Variants in XYLT1 observed in about 807,000 individuals in gnomAD.
XYLT1 encodes beta-D-xylosyltransferase 1.
XYLT1 carries 36 observed loss-of-function variants against 91.3 expected under a neutral mutation model. That is an observed-to-expected ratio of 0.39 (90% confidence interval 0.30 to 0.52). The LOEUF (loss-of-function observed/expected upper bound fraction) is 0.52. Among genes scored for constraint, XYLT1 ranks in the 20% least tolerant of loss-of-function variants. The pLI, the probability that XYLT1 is intolerant of heterozygous loss-of-function variation, is 0.68. For missense variants in XYLT1, 1,242 were observed against 1,284.5 expected, an observed-to-expected ratio of 0.97 and a Z score of 0.51; for synonymous variants, 588 against 532.0, an observed-to-expected ratio of 1.11 and a Z score of -1.45.
intron 3 of XYLT1, among the ~76,000 whole-genome samples, chr16:17,256,550 C>T (rs1322271544): frequency 6.6e-6 from 1 of 150,998 alleles, no homozygotes; most frequent in African/African-American, 2.5e-5. Context: ...ACTCGGGAGG[C>T]TGAGGCAGGG....
rs1163120260 is a variant in XYLT1, at chr16:17,271,387, CACAGAGAGAAAGAT to C, written c.403-11903_403-11890del. 2.7e-3 allele frequency among the ~76,000 whole-genome samples: 405 copies of C among 151,400 alleles called. 1 individual carries two copies. Among genetic ancestry groups the C allele is most frequent in the African/African-American group, 8.1e-3 (333 of 41,210 alleles). On this transcript the variant is annotated intron_variant, in intron 2 of 11. Transcript: ENST00000261381. Reference sequence around the variant, plus strand: ...AGACACAGAGAGACAAAGAGAGAGACACAGAGAGAAAGATACAGAGAGAAAGATACAGAGAGAGA... The same window carrying C: ...AGACACAGAGAGACAAAGAGAGAGACACAGAGAGAAAGATACAGAGAGAGA...
intron 9 of XYLT1, among the ~76,000 whole-genome samples, chr16:17,132,672 G>A (rs1331935259): frequency 6.6e-6 from 1 of 152,212 alleles, no homozygotes; most frequent in Non-Finnish European, 1.5e-5. Context: ...GGAGGCTGAA[G>A]CGGGAGGATT....
At chr16:17,457,870 A>G (rs1380220854) in intron 1 of XYLT1, among the ~76,000 whole-genome samples, 1 of 152,244 alleles carries the variant, frequency 6.6e-6, no homozygotes, top group Non-Finnish European at 1.5e-5. Context: ...CTGGGGAAAA[A>G]AATAAGATTT....
intron 1 of XYLT1, among the ~76,000 whole-genome samples, chr16:17,395,631 C>T (rs981910625): frequency 2.0e-5 from 3 of 152,220 alleles, no homozygotes; most frequent in Non-Finnish European, 4.4e-5. Flanking sequence ...TTGAGCTCTG[C>T]TCACAGAAGT....
chr16:17,162,569 T>C (rs900493464), intron 5 of XYLT1, among the ~76,000 whole-genome samples: 16 of 152,214 alleles, frequency 1.1e-4, no homozygotes, highest in East Asian at 7.7e-4. Context: ...CTACAAATGA[T>C]AGTGAATGAA....
intron 2 of XYLT1, among the ~76,000 whole-genome samples, chr16:17,291,194 G>T (rs1264126022): frequency 6.6e-6 from 1 of 152,198 alleles, no homozygotes; most frequent in Non-Finnish European, 1.5e-5. Context: ...GTAGAGAAGA[G>T]GTTTTGCCAT....
chr16:17,174,170 T>C (rs1313633412), intron 5 of XYLT1, among the ~76,000 whole-genome samples: 1 of 152,214 alleles, frequency 6.6e-6, no homozygotes, highest in African/African-American at 2.4e-5. Flanking sequence ...AAGAAAGATA[T>C]ACATCTACAG....
At chr16:17,392,020 T>C (rs1371291921) in intron 1 of XYLT1, among the ~76,000 whole-genome samples, 1 of 152,218 alleles carries the variant, frequency 6.6e-6, no homozygotes, top group African/African-American at 2.4e-5. Flanking sequence ...CCAGTCTCAA[T>C]GTCTTTATTT....
chr16:17,420,746 T>C (rs1447429860), intron 1 of XYLT1, among the ~76,000 whole-genome samples: 3 of 152,216 alleles, frequency 2.0e-5, no homozygotes, highest in African/African-American at 7.2e-5. Flanking sequence ...ATGTCATTTA[T>C]TACACCATAT....
At chr16:17,340,245 T>G (rs2035047081) in intron 2 of XYLT1, among the ~76,000 whole-genome samples, 1 of 152,192 alleles carries the variant, frequency 6.6e-6, no homozygotes, top group African/African-American at 2.4e-5. Flanking sequence ...GTTCTGCAGC[T>G]CAACTGGAGA....
chr16:17,282,521 T>C (rs2034073274), intron 2 of XYLT1, among the ~76,000 whole-genome samples: 1 of 152,228 alleles, frequency 6.6e-6, no homozygotes. Flanking sequence ...AGGGTGAGGC[T>C]GCAGGCTAAA....
intron 7 of XYLT1, 171 bp from the exon 8 acceptor site, chr16:17,138,702 A>G: frequency 1.6e-6 from 1 of 634,996 alleles, no homozygotes. Flanking sequence ...CAGAACTGCA[A>G]GCCAAATAAA....
chr16:17,105,443 G>C lies in XYLT1; in HGVS notation c.*3252C>G, dbSNP rs1966761001. The C allele has an allele frequency of 6.6e-6, 1 of 152,168 alleles. No homozygotes were observed. The highest frequency in any genetic ancestry group is 2.4e-5 in the African/African-American group (1 of 41,424). 9.4% of individuals were successfully genotyped at this position (152,168 alleles called of 1,614,324 possible). On this transcript the variant is annotated 3_prime_UTR_variant, in exon 12 of 12. Coordinates refer to ENST00000261381, the MANE Select transcript of XYLT1 (RefSeq NM_022166.4). ...AAAGCCTTTTTTTTCCCCTGCAAAG[G>C]GAGAAAGCAGCGCGCTTCTCACAAC...
At chr16:17,124,858 T>G (rs2030203454) in intron 10 of XYLT1, among the ~76,000 whole-genome samples, 1 of 152,214 alleles carries the variant, frequency 6.6e-6, no homozygotes, top group Non-Finnish European at 1.5e-5. Flanking sequence ...GTTCTGAAGT[T>G]CTTTCTTTTA....
intron 3 of XYLT1, among the ~76,000 whole-genome samples, chr16:17,205,202 C>T (rs1163230511): frequency 6.6e-6 from 1 of 152,176 alleles, no homozygotes; most frequent in Non-Finnish European, 1.5e-5. Flanking sequence ...GATAGCTGTG[C>T]TGTGTTAGTT....
Position 17,317,745 on chromosome 16 carries a change from C to T in XYLT1, c.402+40267G>A, listed in dbSNP as rs527979440. Among the ~76,000 whole-genome samples the T allele has an allele frequency of 1.3e-4, 19 of 150,710 alleles. No homozygotes were observed. The South Asian group carries it at 4.0e-3, about 32-fold the overall frequency. On this transcript the variant is annotated intron_variant, in intron 2 of 11. Transcript: ENST00000261381. ...TTTCCTTTTGTAATCAGAATAAAATCCAAGCTCCTTATCATAGCCTATGAT... is the reference window on the plus strand; with the variant it reads ...TTTCCTTTTGTAATCAGAATAAAATTCAAGCTCCTTATCATAGCCTATGAT...
chr16:17,386,557 C>T (rs188261545), intron 1 of XYLT1, among the ~76,000 whole-genome samples: 6 of 152,152 alleles, frequency 3.9e-5, no homozygotes, highest in East Asian at 1.9e-4. Context: ...AATGAAAAAG[C>T]GCATATGTTT....
chr16:17,351,837 GA>G (rs1205533424), intron 2 of XYLT1, among the ~76,000 whole-genome samples: 4 of 151,260 alleles, frequency 2.6e-5, no homozygotes. Context: ...CCTTCACCCC[GA>G]AGTTATAATA....
chr16:17,172,874 G>A (rs76688590), intron 5 of XYLT1, among the ~76,000 whole-genome samples: 3 of 152,186 alleles, frequency 2.0e-5, no homozygotes, highest in African/African-American at 4.8e-5. Flanking sequence ...ATTTAAGCCC[G>A]GGTTTTATTT....
Sources: gnomAD v4.1 joint callset for allele counts (sites outside exome capture counted in the v4.1 genomes callset) on GRCh38, gnomAD v4.1.1 for gene constraint, MANE v1.5 for transcripts, NCBI Gene and HGNC (gene_info 2026-07-23, HGNC 2026-07-21) for gene names.